The following CATSPER3 variants were observed in gnomAD, a reference collection of about 807,000 sequenced individuals.
The protein encoded by CATSPER3 is cation channel sperm associated 3, also known as cation channel sperm-associated protein 3.
A neutral mutation model predicts 36.6 loss-of-function variants in CATSPER3; 23 were observed. The ratio of observed to expected loss-of-function variants is 0.63; its 90% CI spans 0.45 to 0.89. The LOEUF (loss-of-function observed/expected upper bound fraction) is 0.89, where lower values mean the gene tolerates loss of function less well. Among genes scored for constraint, CATSPER3 ranks in the 40% least tolerant of loss-of-function variants. CATSPER3 has a pLI of 0.00. For missense variants in CATSPER3, 474 were observed against 503.9 expected (o/e 0.94, Z 0.57); for synonymous variants, 172 against 184.1 (o/e 0.93, Z 0.53).
intron 2 of CATSPER3, among the ~76,000 whole-genome samples, chr5:134,990,380 T>C (rs1751864074): frequency 6.6e-6 from 1 of 152,128 alleles, no homozygotes; most frequent in South Asian, 2.1e-4. Flanking sequence ...AAGAGACAAA[T>C]GGTTGCATTC....
intron 2 of CATSPER3, among the ~76,000 whole-genome samples, chr5:134,987,566 G>C (rs966023628): frequency 2.0e-5 from 3 of 152,156 alleles, no homozygotes; most frequent in Admixed American, 6.5e-5. Flanking sequence ...GTCATTGAGA[G>C]AGTAACAAAC....
intron 2 of CATSPER3, among the ~76,000 whole-genome samples, chr5:134,993,159 T>C (rs1751899023): frequency 1.3e-5 from 2 of 152,172 alleles, no homozygotes; most frequent in Admixed American, 1.3e-4. Flanking sequence ...TGCTACAACA[T>C]GGAATGAACC....
intron 2 of CATSPER3, among the ~76,000 whole-genome samples, chr5:134,980,856 A>C (rs984762886): frequency 6.6e-6 from 1 of 152,176 alleles, no homozygotes; most frequent in Middle Eastern, 3.2e-3. Flanking sequence ...CCTCCTGAGT[A>C]GCTAGGACTA....
intron 3 of CATSPER3, among the ~76,000 whole-genome samples, chr5:135,002,764 A>G (rs1321230709): frequency 1.3e-5 from 2 of 152,160 alleles, no homozygotes; most frequent in Non-Finnish European, 2.9e-5. Flanking sequence ...AAGCTTGTGC[A>G]TGCATCGCGT....
chr5:135,000,443 T>G (rs1160370217), intron 3 of CATSPER3, among the ~76,000 whole-genome samples: 1 of 152,242 alleles, frequency 6.6e-6, no homozygotes, highest in East Asian at 1.9e-4. Context: ...ATAAAATGAG[T>G]TAGGGAGGAT....
chr5:135,005,224 T>C (rs1454621132), intron 3 of CATSPER3, among the ~76,000 whole-genome samples: 2 of 152,218 alleles, frequency 1.3e-5, no homozygotes, highest in Non-Finnish European at 2.9e-5. Flanking sequence ...AGGCTCCTGC[T>C]GGCCAAGGGC....
At chr5:134,990,757 G>C (rs966511928) in intron 2 of CATSPER3, among the ~76,000 whole-genome samples, 138 of 152,318 alleles carry the variant, frequency 9.1e-4, no homozygotes, top group African/African-American at 3.2e-3. Context: ...AAAACCTGCA[G>C]GATCTGCACA....
At chr5:134,987,506 G>A (rs988705686) in intron 2 of CATSPER3, among the ~76,000 whole-genome samples, 8 of 152,144 alleles carry the variant, frequency 5.3e-5, no homozygotes, top group African/African-American at 1.9e-4. Context: ...ACATCATTAA[G>A]TAAAGAAAAC....
At chr5:134,987,747 A>G (rs180708690) in intron 2 of CATSPER3, among the ~76,000 whole-genome samples, 74 of 152,340 alleles carry the variant, frequency 4.9e-4, no homozygotes, top group Non-Finnish European at 6.6e-4. Context: ...GAAATCCAGC[A>G]TTCTTTCATT....
chr5:134,981,964 T>C (rs944326218), intron 2 of CATSPER3, among the ~76,000 whole-genome samples: 1 of 152,178 alleles, frequency 6.6e-6, no homozygotes, highest in Admixed American at 6.5e-5. Context: ...ACATTGCCTC[T>C]ACTGAAAATA....
In CATSPER3 at chr5:134,997,554, G is replaced by A. The variant is rs111508693; in HGVS notation, c.492+1042G>A. Among the ~76,000 whole-genome samples the A allele has an allele frequency of 7.7e-3, 1,177 of 152,290 alleles. 23 individuals are homozygous for A. The highest frequency in any genetic ancestry group is 0.027 in the African/African-American group (1,107 of 41,556). On this transcript the variant is annotated intron_variant, in intron 3 of 7. Coordinates refer to ENST00000282611, the MANE Select transcript of CATSPER3 (RefSeq NM_178019.3). ...TCTAGCCTCTCTGAAGTTGCCAGCA[G>A]CCTCCTTGTCTCCAAATCCAGTGGC... is the stretch of plus-strand genomic sequence containing the variant.
At chr5:134,970,449 A>G (rs895789363) in intron 2 of CATSPER3, among the ~76,000 whole-genome samples, 1 of 151,986 alleles carries the variant, frequency 6.6e-6, no homozygotes, top group Non-Finnish European at 1.5e-5. Flanking sequence ...GTTAGCCACC[A>G]TGCCCAGCCC....
chr5:134,969,063 A>C (rs565665207), intron 1 of CATSPER3: 1 of 152,348 alleles, frequency 6.6e-6, no homozygotes, highest in South Asian at 2.1e-4. Context: ...ATGCATAGAC[A>C]TATTTTAGTG....
rs1483606460 is a variant in CATSPER3, at chr5:134,968,049, A to G, written c.58A>G (p.Thr20Ala). 2 of 1,614,024 alleles carry G rather than the reference A, an allele frequency of 1.2e-6. No homozygotes were observed. Among genetic ancestry groups the G allele is most frequent in the East Asian group, 2.2e-5 (1 of 44,892 alleles). Residue 20 changes from threonine (T) to alanine (A), a missense_variant, in exon 1 of 8, where the codon ACT becomes GCT. Coordinates refer to ENST00000282611, the MANE Select transcript of CATSPER3 (RefSeq NM_178019.3). Reference sequence around the variant, plus strand: ...AGTCATTTCTAGTTCACCAGTTGACACTACATCGGTGGGATTTTGCCCAAC... The same window carrying G: ...AGTCATTTCTAGTTCACCAGTTGACGCTACATCGGTGGGATTTTGCCCAAC... ...SRVISSSPVD[T>A]TSVGFCPTFK...
In CATSPER3 at chr5:135,008,956, T is replaced by C; in HGVS notation, c.791T>C (p.Val264Ala). 6.2e-7 allele frequency: 1 copy of C among 1,613,938 alleles called. No individual in the cohort carries two copies. The change falls in exon 5 of 8, where the codon GTG (valine) becomes GCG (alanine). Residue 264 changes from valine to alanine, a missense_variant. Transcript: ENST00000282611. ...LASFIFLNMF[V>A]GVMIMHTEDS... ...TCTTTCATCTTCCTCAACATGTTCG[T>C]GGGTGTGATGATCATGCACACAGAG...
intron 2 of CATSPER3, among the ~76,000 whole-genome samples, chr5:134,971,792 A>G (rs932498360): frequency 1.3e-5 from 2 of 152,184 alleles, no homozygotes; most frequent in African/African-American, 4.8e-5. Context: ...ATAAAAATTG[A>G]GCAGGTTAGA....
chr5:134,978,528 A>C (rs937130004), intron 2 of CATSPER3, among the ~76,000 whole-genome samples: 11 of 152,176 alleles, frequency 7.2e-5, no homozygotes, highest in African/African-American at 2.7e-4. Context: ...GAGAAACTTG[A>C]TGCCTTCCTA....
Position 135,009,401 on chromosome 5 carries a change from A to T in CATSPER3, c.847A>T (p.Met283Leu). Residue 283 changes from methionine (M) to leucine (L), a missense_variant, in exon 6 of 8, where the codon ATG becomes TTG. Coordinates refer to ENST00000282611, the MANE Select transcript of CATSPER3 (RefSeq NM_178019.3). ...CATCAGAAAGTTTGAGCGAGAGCTG[A>T]TGTTGGAGCAGCAGGAGATGCTCAT... ...DSIRKFEREL[M>L]LEQQEMLMGE... The T allele has an allele frequency of 6.2e-7, 1 of 1,613,328 alleles. No homozygotes were observed. Among genetic ancestry groups the T allele is most frequent in the Non-Finnish European group, 8.5e-7 (1 of 1,179,534 alleles).
At chr5:135,005,559 T>C (rs1383642682) in intron 3 of CATSPER3, among the ~76,000 whole-genome samples, 1 of 152,214 alleles carries the variant, frequency 6.6e-6, no homozygotes, top group Non-Finnish European at 1.5e-5. Context: ...CTGCCCATGG[T>C]CGGGACTTGT....
Sources: allele counts gnomAD v4.1 joint callset (sites outside exome capture counted in the v4.1 genomes callset), GRCh38; gene constraint gnomAD v4.1.1; transcripts MANE v1.5; gene names NCBI Gene and HGNC (gene_info 2026-07-23, HGNC 2026-07-21).